DNAH1: variants seen among roughly 807,000 people sequenced by gnomAD.
DNAH1 encodes the protein dynein axonemal heavy chain 1.
DNAH1 carries 327 observed loss-of-function variants against 484.3 expected under a neutral mutation model. The ratio of observed to expected loss-of-function variants is 0.68; its 90% CI spans 0.62 to 0.74. The LOEUF (loss-of-function observed/expected upper bound fraction) is 0.74. Among genes scored for constraint, DNAH1 ranks in the 30% least tolerant of loss-of-function variants. The pLI, the probability that DNAH1 is intolerant of heterozygous loss-of-function variation, is 0.00. For missense variants in DNAH1, 5,052 were observed against 5,546.8 expected, an observed-to-expected ratio of 0.91 and a Z score of 2.83; for synonymous variants, 2,192 against 2,191.9, an observed-to-expected ratio of 1.00 and a Z score of 0.00.
chr3:52,348,807 G>A (rs1483707841), intron 12 of DNAH1, 81 bp from the exon 13 acceptor site: 47 of 1,501,578 alleles, frequency 3.1e-5, no homozygotes, highest in Non-Finnish European at 3.8e-5. Context: ...CCTGCTCCTC[G>A]GGAGGACTCC....
chr3:52,364,175 T>C lies in DNAH1; in HGVS notation c.5245-463T>C, dbSNP rs942540054. Among the ~76,000 whole-genome samples, 1 of 152,216 alleles carries C rather than the reference T, an allele frequency of 6.6e-6. No individual in the cohort carries two copies. The highest frequency in any genetic ancestry group is 2.4e-5 in the African/African-American group (1 of 41,458). On this transcript the variant is annotated intron_variant, in intron 32 of 77. Transcript: ENST00000420323. The surrounding 1 kb of genome is among the most constrained non-coding windows in gnomAD (Gnocchi z 4.2). ...TTAATTTAACTATTTCCAACTCACTTACTGTGTAATGAAGAGAAACAGGCT... is the reference window on the plus strand; with the variant it reads ...TTAATTTAACTATTTCCAACTCACTCACTGTGTAATGAAGAGAAACAGGCT...
At chr3:52,318,338 G>A (rs1174008247) in intron 1 of DNAH1, among the ~76,000 whole-genome samples, 2 of 152,226 alleles carry the variant, frequency 1.3e-5, no homozygotes, top group Non-Finnish European at 1.5e-5. Context: ...GAGCCACTGC[G>A]CCCGGCCTGG....
chr3:52,337,774 C>T (rs1701788300), intron 8 of DNAH1, among the ~76,000 whole-genome samples: 1 of 152,082 alleles, frequency 6.6e-6, no homozygotes, highest in South Asian at 2.1e-4. Flanking sequence ...TAGTATCTGT[C>T]CTGTTTCATT....
chr3:52,333,616 G>A (rs1032538337), intron 8 of DNAH1, among the ~76,000 whole-genome samples: 9 of 152,004 alleles, frequency 5.9e-5, no homozygotes, highest in African/African-American at 2.2e-4. Flanking sequence ...TCGAGCTCCC[G>A]ACCTCAGGTA....
rs375423663 is a variant in DNAH1, at chr3:52,366,820, G to A, written c.5698G>A (p.Val1900Met). 1.9e-5 allele frequency: 31 copies of A among 1,613,812 alleles called. No homozygotes were observed. Among genetic ancestry groups the A allele is most frequent in the Non-Finnish European group, 2.4e-5 (28 of 1,179,870 alleles). The change falls in exon 36 of 78, where the codon GTG (valine) becomes ATG (methionine). Residue 1900 changes from valine to methionine, a missense_variant. Val to Met is a conservative substitution (Grantham distance 21, BLOSUM62 1). Around this residue, in one of 4 missense-constraint regions of DNAH1, gnomAD observed 2,929 missense variants for 3,409.4 expected, o/e 0.86. Coordinates refer to ENST00000420323, the MANE Select transcript of DNAH1 (RefSeq NM_015512.5). Reference sequence around the variant, plus strand: ...CATGTACGAGGCTGTCAACTACTACGTGCTCAACCCCAAGTCCATCACGAT... The same window carrying A: ...CATGTACGAGGCTGTCAACTACTACATGCTCAACCCCAAGTCCATCACGAT... ...GGMYEAVNYY[V>M]LNPKSITMGQ...
chr3:52,367,574 G>T (rs1388486005), intron 36 of DNAH1, among the ~76,000 whole-genome samples: 1 of 151,726 alleles, frequency 6.6e-6, no homozygotes, highest in Non-Finnish European at 1.5e-5. Flanking sequence ...ATTATTCAAT[G>T]ATCCTTTTTT....
intron 52 of DNAH1, among the ~76,000 whole-genome samples, chr3:52,384,357 C>G (rs1704003320): frequency 6.6e-6 from 1 of 151,104 alleles, no homozygotes; most frequent in Non-Finnish European, 1.5e-5. Flanking sequence ...CTGGTCCAGC[C>G]TGAGACGGTG....
Position 52,353,025 on chromosome 3 carries a change from G to T in DNAH1, c.3028-78G>T, listed in dbSNP as rs1431480326. The T allele has an allele frequency of 5.0e-6, 7 of 1,411,130 alleles. No individual in the cohort carries two copies. The East Asian group carries it at 1.6e-4, about 33-fold the overall frequency. The allele number at this position is 1,411,130 out of a possible 1,614,324, so 87.4% of individuals were successfully genotyped here. ...GGAGCAAGGGAGAGGGAGAGGACCT[G>T]GCCCAAGAAGGGGCAACATGGAGAG... On this transcript the variant is annotated intron_variant, in intron 18 of 77. Transcript: ENST00000420323. The surrounding 1 kb of genome is among the most constrained non-coding windows in gnomAD (Gnocchi z 5.0).
Position 52,372,266 on chromosome 3 carries a change from A to T in DNAH1, c.6706A>T (p.Thr2236Ser). 2 of 1,613,944 alleles carry T rather than the reference A, an allele frequency of 1.2e-6. No homozygotes were observed. Among genetic ancestry groups the T allele is most frequent in the Non-Finnish European group, 8.5e-7 (1 of 1,179,852 alleles). Residue 2236 changes from threonine (T) to serine (S), a missense_variant, in exon 43 of 78, where the codon ACC (threonine) becomes TCC (serine). Physicochemically the swap from Thr to Ser is moderately conservative, Grantham distance 58. This residue lies in a region of DNAH1 where 2,929 missense variants were observed against 3,409.4 expected (regional missense o/e 0.86). Coordinates refer to ENST00000420323, the MANE Select transcript of DNAH1 (RefSeq NM_015512.5). Reference protein sequence around the residue: ...IGPTGTGKTLTISDKLLKNLA... With the variant: ...IGPTGTGKTLSISDKLLKNLA... ...GCCAACAGGCACGGGGAAGACGCTC[A>T]CCATCTCTGACAAGCTCCTCAAGAA...
intron 4 of DNAH1, 83 bp downstream of exon 4, chr3:52,326,397 G>T: frequency 6.8e-7 from 1 of 1,468,756 alleles, no homozygotes; most frequent in Non-Finnish European, 9.2e-7. Context: ...AGATCACCAG[G>T]TGATAATCCT....
At chr3:52,376,318 T>A (rs932573465) in intron 46 of DNAH1, among the ~76,000 whole-genome samples, 3 of 152,188 alleles carry the variant, frequency 2.0e-5, no homozygotes, top group Non-Finnish European at 4.4e-5. Context: ...AGGGAGCAGG[T>A]GTGCACAGGA....
chr3:52,393,698 A>G (rs978191193), intron 66 of DNAH1, among the ~76,000 whole-genome samples: 3 of 152,210 alleles, frequency 2.0e-5, no homozygotes, highest in Non-Finnish European at 4.4e-5. Context: ...CAGATGGATC[A>G]CTTGAGGCCA....
chr3:52,349,129 C>T, intron 13 of DNAH1, 48 bp downstream of exon 13: 3 of 1,611,974 alleles, frequency 1.9e-6, no homozygotes, highest in African/African-American at 1.3e-5. Context: ...TGTGTTTGTG[C>T]ATGTGTATCC....
In DNAH1 at chr3:52,396,674, G is replaced by C; in HGVS notation, c.11487G>C (p.Leu3829=). ...TGTGCTTGTTCCATGGGAACGCCCTGGAGCGCCGTAAGTTTGGGCCCCTGG... is the reference window on the plus strand; with the variant it reads ...TGTGCTTGTTCCATGGGAACGCCCTCGAGCGCCGTAAGTTTGGGCCCCTGG... ...LSLCLFHGNA[L]ERRKFGPLGF... Residue 3829 remains leucine, a synonymous_variant, in exon 72 of 78, where the codon CTG becomes CTC. Coordinates refer to ENST00000420323, the MANE Select transcript of DNAH1 (RefSeq NM_015512.5). 6.2e-7 allele frequency: 1 copy of C among 1,613,734 alleles called. No individual in the cohort carries two copies. The highest frequency in any genetic ancestry group is 8.5e-7 in the Non-Finnish European group (1 of 1,179,854).
In DNAH1 at chr3:52,388,087, G is replaced by A. The variant is rs984401574; in HGVS notation, c.9004-80G>A. ...GGCATAAAAGCCAGGGTGTCCCTCA[G>A]CAGGCCCCACATCCCAGCAGAGCCC... On this transcript the variant is annotated intron_variant, in intron 56 of 77. Transcript: ENST00000420323. 6.6e-6 allele frequency: 10 copies of A among 1,526,712 alleles called. No individual in the cohort carries two copies. In the Admixed American group the frequency reaches 2.0e-4, roughly 30 times the overall value. 94.6% of individuals were successfully genotyped at this position (1,526,712 alleles called of 1,614,324 possible).
chr3:52,394,838 C>T (rs1578203994), intron 67 of DNAH1, 77 bp from the exon 68 acceptor site: 48 of 1,560,060 alleles, frequency 3.1e-5, no homozygotes, highest in South Asian at 6.0e-5. Flanking sequence ...CCCAGCTGTC[C>T]GGCTGGCCGA....
chr3:52,349,428 C>T lies in DNAH1; in HGVS notation c.2526+8C>T. The T allele has an allele frequency of 6.2e-7, 1 of 1,611,264 alleles. No homozygotes were observed. ...CATAAGGAGGTGGATAGCGTAAGTG[C>T]CCACCTGCCCCGCCTCAGTGACCAC... On this transcript the variant is annotated splice_region_variant and intron_variant, in intron 14 of 77. Transcript: ENST00000420323.
At position 52,387,970 on chromosome 3, in the gene DNAH1, A is replaced by G. The variant is rs116129212; in HGVS notation, c.9004-197A>G. On this transcript the variant is annotated intron_variant, in intron 56 of 77. Coordinates refer to ENST00000420323, the MANE Select transcript of DNAH1 (RefSeq NM_015512.5). ...GAAGACCTCCCTAATCATATGATCT[A>G]AAATCCTGGGGACCAAAGATTACCT... 5.8e-3 allele frequency among the ~76,000 whole-genome samples: 890 copies of G among 152,290 alleles called. 11 individuals carry two copies. The highest frequency in any genetic ancestry group is 0.02 in the African/African-American group (846 of 41,556).
rs758372778 is a variant in DNAH1, at chr3:52,322,429, C to T, written c.-14C>T. On this transcript the variant is annotated 5_prime_UTR_variant, in exon 2 of 78. Coordinates refer to ENST00000420323, the MANE Select transcript of DNAH1 (RefSeq NM_015512.5). ...CCTAGGAGCTTCGGCTGGGGCATCT[C>T]CCTGAGAAGCAGCATGGAGCAGCCT... 6.3e-6 allele frequency: 10 copies of T among 1,596,302 alleles called. No individual in the cohort carries two copies. In the African/African-American group the frequency reaches 1.4e-4, roughly 22 times the overall value.
Sources: allele counts gnomAD v4.1 joint callset (sites outside exome capture counted in the v4.1 genomes callset), GRCh38; gene constraint gnomAD v4.1.1; regional missense constraint gnomAD v4.1.1; non-coding constraint Gnocchi (gnomAD v3.1); transcripts MANE v1.5; gene names NCBI Gene and HGNC (gene_info 2026-07-23, HGNC 2026-07-21).